The following DNAH6 variants were observed in gnomAD, a reference collection of about 807,000 sequenced individuals.
DNAH6 encodes the protein dynein axonemal heavy chain 6, also known as axonemal beta dynein heavy chain 6.
DNAH6 carries 340 observed loss-of-function variants against 491.4 expected under a neutral mutation model. The observed-to-expected ratio is 0.69, with a 90% CI of 0.63 to 0.76. The LOEUF is 0.76. Ranked by LOEUF, DNAH6 falls within the 30% of genes least tolerant of loss-of-function variation. The pLI is 0.00. For synonymous variants in DNAH6, 1,603 were observed against 1,686.1 expected, an observed-to-expected ratio of 0.95 and a Z score of 1.21; for missense variants, 4,443 against 4,972.2, an observed-to-expected ratio of 0.89 and a Z score of 3.20.
chr2:84,483,535 G>T, the DNAH6 span, among the ~76,000 whole-genome samples: 1 of 152,074 alleles, frequency 6.6e-6, no homozygotes, highest in African/African-American at 2.4e-5. Flanking sequence ...CACAGTCATG[G>T]TGGGTTATGT....
At chr2:84,479,495 C>T in the DNAH6 span, among the ~76,000 whole-genome samples, 4 of 152,208 alleles carry the variant, frequency 2.6e-5, no homozygotes, top group Non-Finnish European at 5.9e-5. Context: ...GATAGCCTCT[C>T]CCAAATTACA....
At chr2:84,786,562 G>A (rs890768547) in intron 67 of DNAH6, among the ~76,000 whole-genome samples, 3 of 152,120 alleles carry the variant, frequency 2.0e-5, no homozygotes, top group African/African-American at 7.2e-5. Context: ...GCTGAGATGA[G>A]GAGGTAGTTT....
At chr2:84,554,377 CA>C (rs1679817474) in intron 10 of DNAH6, among the ~76,000 whole-genome samples, 1 of 152,206 alleles carries the variant, frequency 6.6e-6, no homozygotes, top group Admixed American at 6.5e-5. Context: ...CATATGTACA[CA>C]GGGGCAGGAA....
At chr2:84,582,650 C>T (rs968457403) in intron 14 of DNAH6, among the ~76,000 whole-genome samples, 4 of 152,164 alleles carry the variant, frequency 2.6e-5, no homozygotes, top group African/African-American at 9.6e-5. Context: ...GACGGGGTTT[C>T]ACCGTGTTAG....
chr2:84,655,219 A>G (rs1690835518), intron 35 of DNAH6, among the ~76,000 whole-genome samples: 1 of 152,134 alleles, frequency 6.6e-6, no homozygotes, highest in Admixed American at 6.5e-5. Flanking sequence ...CTTAACACCT[A>G]TGACAGCCAA....
intron 2 of DNAH6, among the ~76,000 whole-genome samples, chr2:84,519,682 A>T (rs1324252582): frequency 1.6e-5 from 2 of 124,124 alleles, no homozygotes; most frequent in Admixed American, 9.6e-5. Flanking sequence ...CTCTTCCCTT[A>T]CCCCTCCTTC....
intron 2 of DNAH6, 86 bp from the exon 3 acceptor site, chr2:84,525,479 A>G: frequency 7.6e-7 from 1 of 1,320,604 alleles, no homozygotes; most frequent in Non-Finnish European, 1.0e-6. Flanking sequence ...AATTTCCAAC[A>G]GGAGAAAGAG....
chr2:84,475,510 T>A, the DNAH6 span, among the ~76,000 whole-genome samples: 1 of 152,206 alleles, frequency 6.6e-6, no homozygotes, highest in Admixed American at 6.5e-5. Flanking sequence ...ACGTTCCTTT[T>A]TTGTGTGTCC....
chr2:84,793,548 C>T (rs938889924), intron 68 of DNAH6, among the ~76,000 whole-genome samples: 1 of 152,168 alleles, frequency 6.6e-6, no homozygotes, highest in Non-Finnish European at 1.5e-5. Flanking sequence ...TATGTTCCAG[C>T]GCCAAGGACC....
chr2:84,495,805 C>T, the DNAH6 span, among the ~76,000 whole-genome samples: 4 of 152,190 alleles, frequency 2.6e-5, no homozygotes, highest in East Asian at 1.9e-4. Flanking sequence ...TATGCCAACA[C>T]TTAAGAGTGC....
the DNAH6 span, among the ~76,000 whole-genome samples, chr2:84,471,630 C>T: frequency 1.1e-4 from 16 of 152,288 alleles, 1 homozygote; most frequent in East Asian, 3.1e-3. Context: ...ACAGGGGTAA[C>T]CCCATCCATG....
chr2:84,484,454 T>C, the DNAH6 span, among the ~76,000 whole-genome samples: 1 of 152,146 alleles, frequency 6.6e-6, no homozygotes, highest in Non-Finnish European at 1.5e-5. Flanking sequence ...AAACCAAAAG[T>C]TGGTATTTGA....
At chr2:84,786,310 C>T (rs1283142719) in intron 67 of DNAH6, among the ~76,000 whole-genome samples, 1 of 151,670 alleles carries the variant, frequency 6.6e-6, no homozygotes, top group African/African-American at 2.4e-5. Context: ...CCTGTAGTCC[C>T]AGCTACTCAG....
At chr2:84,526,980 C>T (rs563753246) in intron 3 of DNAH6, among the ~76,000 whole-genome samples, 18 of 152,180 alleles carry the variant, frequency 1.2e-4, no homozygotes, top group African/African-American at 3.9e-4. Context: ...GTAGCTGTCA[C>T]TCAGTGAAGA....
chr2:84,756,160 A>G (rs540999283), intron 63 of DNAH6, among the ~76,000 whole-genome samples: 144 of 152,294 alleles, frequency 9.5e-4, no homozygotes, highest in African/African-American at 3.4e-3. Context: ...AGGTTGAGGA[A>G]GTTCTCTTCT....
At chr2:84,612,222 A>T (rs1303220476) in intron 22 of DNAH6, among the ~76,000 whole-genome samples, 1 of 152,216 alleles carries the variant, frequency 6.6e-6, no homozygotes, top group African/African-American at 2.4e-5. Flanking sequence ...TATTCAGTTA[A>T]AGCTCCTCCA....
chr2:84,483,529 G>T, the DNAH6 span, among the ~76,000 whole-genome samples: 2 of 152,096 alleles, frequency 1.3e-5, no homozygotes, highest in African/African-American at 4.8e-5. Flanking sequence ...AATTTGCACA[G>T]TCATGGTGGG....
rs1260692369 is a variant in DNAH6 at position 84,517,456 on chromosome 2, G to A, written c.-8-363G>A. Among the ~76,000 whole-genome samples the A allele has an allele frequency of 9.2e-5, 14 of 152,126 alleles. No individual in the cohort carries two copies. The East Asian group carries it at 2.5e-3, about 27-fold the overall frequency. ...ATTAGCTGCATTTTGAACAAGTTCC[G>A]CAGGAGATGAGAAACATTGATCTCA... On this transcript the variant is annotated intron_variant, in intron 1 of 76. Coordinates refer to ENST00000389394, the MANE Select transcript of DNAH6 (RefSeq NM_001370.2).
At chr2:84,805,180 A>G (rs1392036170) in intron 70 of DNAH6, among the ~76,000 whole-genome samples, 1 of 152,250 alleles carries the variant, frequency 6.6e-6, no homozygotes, top group African/African-American at 2.4e-5. Context: ...TTTTAGTATA[A>G]CAGTAACAAC....
Sources: gnomAD v4.1 joint callset for allele counts (sites outside exome capture counted in the v4.1 genomes callset) on GRCh38, gnomAD v4.1.1 for gene constraint, MANE v1.5 for transcripts, NCBI Gene and HGNC (gene_info 2026-07-23, HGNC 2026-07-21) for gene names.